TSHZ3: variants seen among roughly 807,000 people sequenced by gnomAD.
TSHZ3 encodes teashirt zinc finger homeobox 3.
A neutral mutation model predicts 64.5 loss-of-function variants in TSHZ3; 10 were observed. The observed-to-expected ratio is 0.16, with a 90% CI of 0.10 to 0.26. The LOEUF (loss-of-function observed/expected upper bound fraction) is 0.26, where lower values mean the gene tolerates loss of function less well. Ranked by LOEUF, TSHZ3 falls within the 10% of genes least tolerant of loss-of-function variation. The pLI is 1.00. For missense variants in TSHZ3, 1,242 were observed against 1,421.7 expected, an observed-to-expected ratio of 0.87 and a Z score of 2.03; for synonymous variants, 608 against 593.1, an observed-to-expected ratio of 1.03 and a Z score of -0.36.
intron 1 of TSHZ3, among the ~76,000 whole-genome samples, chr19:31,256,443 T>C (rs533819642): frequency 3.3e-5 from 5 of 152,130 alleles, no homozygotes; most frequent in Admixed American, 1.3e-4. Context: ...TGTAAGCAGA[T>C]TGCAACATGA....
chr19:31,167,745 G>C (rs1309614081), intron 5 of TSHZ3: 1 of 152,144 alleles, frequency 6.6e-6, no homozygotes, highest in Non-Finnish European at 1.5e-5. Flanking sequence ...AAGGCACCTT[G>C]GAAATTTGGA....
At chr19:31,214,448 A>G (rs776038201) in intron 4 of TSHZ3, among the ~76,000 whole-genome samples, 3 of 152,356 alleles carry the variant, frequency 2.0e-5, no homozygotes, top group South Asian at 2.1e-4. Flanking sequence ...GAGTGGAGAC[A>G]ACAGCAGATT....
Position 31,236,326 on chromosome 19 carries a change from C to T in TSHZ3, n.550+5943G>A, listed in dbSNP as rs555707693. Reference sequence around the variant, plus strand: ...TCATCTTTTGTCTTTTTGACAACAGCCATTGTAACAAAGTGTCAGGTGATA... The same window carrying T: ...TCATCTTTTGTCTTTTTGACAACAGTCATTGTAACAAAGTGTCAGGTGATA... On this transcript the variant is annotated intron_variant and non_coding_transcript_variant, in intron 3 of 6. Coordinates refer to the TSHZ3 transcript ENST00000651361. Among the ~76,000 whole-genome samples the T allele has an allele frequency of 1.4e-3, 210 of 152,262 alleles. 1 individual carries two copies. The highest frequency in any genetic ancestry group is 2.8e-3 in the Non-Finnish European group (192 of 68,028).
chr19:31,257,636 G>A (rs988668687), intron 1 of TSHZ3, among the ~76,000 whole-genome samples: 1 of 146,096 alleles, frequency 6.8e-6, no homozygotes, highest in Admixed American at 6.7e-5. Context: ...AAGTCACTGT[G>A]GTTTAAGATT....
chr19:31,163,396 A>T (rs567728298), intron 5 of TSHZ3, among the ~76,000 whole-genome samples: 27 of 152,186 alleles, frequency 1.8e-4, no homozygotes, highest in Non-Finnish European at 3.7e-4. Flanking sequence ...GAGGCATGAC[A>T]GTTTCAGTGG....
At position 31,276,564 on chromosome 19, in the gene TSHZ3, CAG is replaced by C; in HGVS notation, c.3227_3228del (p.Ser1076Ter). 1.3e-6 allele frequency: 2 copies of C among 1,561,748 alleles called. No individual in the cohort carries two copies. Among genetic ancestry groups the C allele is most frequent in the Non-Finnish European group, 1.7e-6 (2 of 1,150,452 alleles). ...AGCAAATGCTACTGCTTCTCTAACT[CAG>C]AGACATACAGAAGGTGGTCTTCCGG... ...KSPEDHLLYV[S>X]ELEKQ On this transcript the variant is annotated frameshift_variant, in exon 2 of 2. Transcript: ENST00000240587. LOFTEE classifies it high-confidence loss of function.
chr19:31,179,471 G>T (rs944874764), intron 5 of TSHZ3, among the ~76,000 whole-genome samples: 2 of 152,252 alleles, frequency 1.3e-5, no homozygotes, highest in Non-Finnish European at 2.9e-5. Flanking sequence ...ACATTGGTCA[G>T]CTTCCTGGAG....
At chr19:31,332,086 G>A (rs1917112946) in intron 1 of TSHZ3, among the ~76,000 whole-genome samples, 1 of 152,154 alleles carries the variant, frequency 6.6e-6, no homozygotes, top group Non-Finnish European at 1.5e-5. Flanking sequence ...TCACTGATGG[G>A]AGCAAAAGAA....
At chr19:31,337,127 T>C (rs1438083306) in intron 1 of TSHZ3, among the ~76,000 whole-genome samples, 1 of 152,022 alleles carries the variant, frequency 6.6e-6, no homozygotes, top group Non-Finnish European at 1.5e-5. Flanking sequence ...AGCGTGTTTC[T>C]AATGCTATTC....
intron 5 of TSHZ3, among the ~76,000 whole-genome samples, chr19:31,169,088 G>A (rs910734734): frequency 6.6e-6 from 1 of 151,916 alleles, no homozygotes; most frequent in African/African-American, 2.4e-5. Context: ...CCACCCAGTG[G>A]ACTTCATGTT....
At chr19:31,158,282 T>G (rs1974331427) in intron 5 of TSHZ3, among the ~76,000 whole-genome samples, 1 of 152,310 alleles carries the variant, frequency 6.6e-6, no homozygotes, top group South Asian at 2.1e-4. Flanking sequence ...GAAAAAAATA[T>G]ATGTATCTCA....
chr19:31,279,642 C>T lies in TSHZ3; in HGVS notation c.151G>A (p.Glu51Lys). ...PSAKYMCPEKELARACPSYQN... is the reference protein window; with the variant it reads ...PSAKYMCPEKKLARACPSYQN... ...TAGCTGGGGCAGGCCCTGGCGAGCT[C>T]CTTCTCCGGGCACATGTACTTGGCC... is the stretch of plus-strand genomic sequence containing the variant. The change falls in exon 2 of 2, where the codon GAG (glutamate) becomes AAG (lysine). Residue 51 changes from glutamate (E) to lysine (K), a missense_variant. Physicochemically the swap from Glu to Lys is moderately conservative, Grantham distance 56. Transcript: ENST00000240587. This position sits in a 1 kb window ranked among gnomAD's most constrained non-coding sequence, Gnocchi z 6.4. 2.5e-6 allele frequency: 4 copies of T among 1,610,514 alleles called. No individual in the cohort carries two copies.
chr19:31,266,565 C>G lies in TSHZ3; in HGVS notation n.64-23690G>C, dbSNP rs191739894. On this transcript the variant is annotated intron_variant and non_coding_transcript_variant, in intron 1 of 6. Transcript: ENST00000651361. Reference sequence around the variant, plus strand: ...CACCTACGAGCCCATTAACACGACCCTTTTCATCCCAGACCATAACCCTAA... The same window carrying G: ...CACCTACGAGCCCATTAACACGACCGTTTTCATCCCAGACCATAACCCTAA... 9.3e-4 allele frequency among the ~76,000 whole-genome samples: 141 copies of G among 152,246 alleles called. 1 individual carries two copies. The highest frequency in any genetic ancestry group is 3.2e-3 in the African/African-American group (131 of 41,530).
At chr19:31,206,759 A>T (rs1020863628) in intron 4 of TSHZ3, among the ~76,000 whole-genome samples, 1 of 152,234 alleles carries the variant, frequency 6.6e-6, no homozygotes, top group African/African-American at 2.4e-5. Flanking sequence ...TTCAATAAGC[A>T]TTAATTTAAC....
At chr19:31,289,897 C>T (rs1976534530) in intron 1 of TSHZ3, among the ~76,000 whole-genome samples, 1 of 152,174 alleles carries the variant, frequency 6.6e-6, no homozygotes, top group African/African-American at 2.4e-5. Flanking sequence ...TCTCAATACA[C>T]CTGGAAAATC....
chr19:31,164,522 T>A (rs2145106971), intron 5 of TSHZ3, among the ~76,000 whole-genome samples: 1 of 152,244 alleles, frequency 6.6e-6, no homozygotes, highest in South Asian at 2.1e-4. Flanking sequence ...ATTTGTTGAA[T>A]AAATGAATGA....
At chr19:31,211,953 C>T (rs1174773569) in intron 4 of TSHZ3, among the ~76,000 whole-genome samples, 1 of 152,074 alleles carries the variant, frequency 6.6e-6, no homozygotes, top group Non-Finnish European at 1.5e-5. Context: ...AGGGTAGATG[C>T]TTGGAGGCAT....
intron 5 of TSHZ3, among the ~76,000 whole-genome samples, chr19:31,198,277 A>G (rs1424152791): frequency 1.3e-5 from 2 of 152,176 alleles, no homozygotes. Flanking sequence ...TCAGTAAACC[A>G]GAAATAGAGG....
chr19:31,292,618 T>G (rs73551347), intron 1 of TSHZ3, among the ~76,000 whole-genome samples: 1,950 of 152,158 alleles, frequency 0.013, 53 homozygotes, highest in African/African-American at 0.045. Flanking sequence ...ACTCAACACA[T>G]CTACCCATCC....
Sources: gnomAD v4.1 joint callset for allele counts (sites outside exome capture counted in the v4.1 genomes callset) on GRCh38, gnomAD v4.1.1 for gene constraint, Gnocchi (gnomAD v3.1) non-coding constraint, MANE v1.5 for transcripts, NCBI Gene and HGNC (gene_info 2026-07-23, HGNC 2026-07-21) for gene names.